CPNE3: variants seen among roughly 807,000 people sequenced by gnomAD.
CPNE3 encodes the protein copine 3, also known as copine-3.
In CPNE3, 68 loss-of-function variants were observed where a neutral mutation model predicts 63.9. That is an observed-to-expected ratio of 1.06 (90% CI 0.87 to 1.30). The LOEUF is 1.30. Among genes scored for constraint, CPNE3 ranks in the 50% most tolerant of loss-of-function variants. CPNE3 has a pLI of 0.00. For missense variants in CPNE3, 665 were observed against 578.1 expected (o/e 1.15, Z -1.54); for synonymous variants, 219 against 197.5 (o/e 1.11, Z -0.91).
intron 9 of CPNE3, chr8:86,545,115 A>G (rs1821019881): frequency 4.7e-6 from 1 of 215,026 alleles, no homozygotes; most frequent in Non-Finnish European, 9.1e-6. Context: ...TTAGGAATAG[A>G]AGTCCAATCC....
rs189130609 is a variant in CPNE3 at position 86,528,186 on chromosome 8, G to A, written c.-10-350G>A. Among the ~76,000 whole-genome samples the A allele has an allele frequency of 1.4e-4, 21 of 151,998 alleles. No individual in the cohort carries two copies. In the East Asian group the frequency reaches 3.7e-3, roughly 27 times the overall value. On this transcript the variant is annotated intron_variant, in intron 2 of 16. Coordinates refer to ENST00000517490, the MANE Select transcript of CPNE3 (RefSeq NM_003909.5). ...GATGGTCTCAAATTCCTAAGCTCAA[G>A]CCATCCTTCTGCCTCAGCCTCCCAA...
intron 14 of CPNE3, chr8:86,551,459 A>G: frequency 4.4e-6 from 2 of 458,564 alleles, no homozygotes; most frequent in East Asian, 6.7e-5. Flanking sequence ...CAGTATTATG[A>G]TGATGAAGGT....
In CPNE3 at chr8:86,551,113, C is replaced by G. The variant is rs1409629287; in HGVS notation, c.1068+13C>G. 2 of 1,612,998 alleles carry G rather than the reference C, an allele frequency of 1.2e-6. No individual in the cohort carries two copies. Among genetic ancestry groups the G allele is most frequent in the Non-Finnish European group, 8.5e-7 (1 of 1,179,366 alleles). ...TCCTCAGTGGCAGGTAAGAGGAAAT[C>G]TCTATTTTAAAGCTTTGCCTCCTAG... On this transcript the variant is annotated intron_variant, in intron 13 of 16. Transcript: ENST00000517490.
intron 2 of CPNE3, among the ~76,000 whole-genome samples, chr8:86,518,756 C>CT (rs1039315158): frequency 2.8e-5 from 4 of 142,372 alleles, no homozygotes; most frequent in Admixed American, 6.8e-5. Context: ...GATAGCCCTT[C>CT]TTTTTTAAAA....
intron 2 of CPNE3, among the ~76,000 whole-genome samples, chr8:86,522,775 A>AT (rs1001058674): frequency 6.6e-6 from 1 of 151,904 alleles, no homozygotes; most frequent in African/African-American, 2.4e-5. Context: ...ACTTCTGAGA[A>AT]TTTTTTACAT....
chr8:86,547,358 T>A (rs2131483531), intron 10 of CPNE3: 1 of 185,254 alleles, frequency 5.4e-6, no homozygotes, highest in Middle Eastern at 2.3e-3. Context: ...CAAGATTTTT[T>A]AGGGTGAACA....
chr8:86,547,582 C>T, intron 10 of CPNE3, 129 bp from the exon 11 acceptor site: 1 of 624,306 alleles, frequency 1.6e-6, no homozygotes. Context: ...AACCTGAATG[C>T]AGGGGTAATT....
At chr8:86,533,255 T>C (rs1432978156) in intron 6 of CPNE3, among the ~76,000 whole-genome samples, 1 of 152,112 alleles carries the variant, frequency 6.6e-6, no homozygotes, top group Non-Finnish European at 1.5e-5. Context: ...TTTGAAAACA[T>C]TTTAGGGCTA....
At chr8:86,554,702 C>G (rs949910637) in intron 14 of CPNE3, 149 bp from the exon 15 acceptor site, 4 of 862,660 alleles carry the variant, frequency 4.6e-6, no homozygotes, top group Non-Finnish European at 6.9e-6. Context: ...TTATGTAATA[C>G]ATAGCTTAGA....
Position 86,532,870 on chromosome 8 carries a change from G to A in CPNE3, c.459+290G>A, listed in dbSNP as rs79109641. 6.8e-3 allele frequency among the ~76,000 whole-genome samples: 1,037 copies of A among 152,052 alleles called. 8 individuals are homozygous for A. Among genetic ancestry groups the A allele is most frequent in the Non-Finnish European group, 0.012 (791 of 67,980 alleles). ...AAAGAATACAGTTGAATTATCTTTA[G>A]GAAAAAAGTGAAAACTCTGTGCTTT... On this transcript the variant is annotated intron_variant, in intron 6 of 16. Coordinates refer to ENST00000517490, the MANE Select transcript of CPNE3 (RefSeq NM_003909.5).
intron 8 of CPNE3, among the ~76,000 whole-genome samples, chr8:86,542,551 G>A (rs1050811538): frequency 4.6e-5 from 7 of 151,358 alleles, no homozygotes; most frequent in African/African-American, 1.7e-4. Flanking sequence ...ATATATGCAT[G>A]TGTATATGTA....
chr8:86,550,397 G>A (rs1821148019), intron 12 of CPNE3, among the ~76,000 whole-genome samples: 1 of 152,102 alleles, frequency 6.6e-6, no homozygotes, highest in Non-Finnish European at 1.5e-5. Flanking sequence ...ACATGGCATA[G>A]GCTCTATCTT....
At chr8:86,533,546 C>T (rs1191407867) in intron 6 of CPNE3, among the ~76,000 whole-genome samples, 1 of 149,918 alleles carries the variant, frequency 6.7e-6, no homozygotes, top group Non-Finnish European at 1.5e-5. Flanking sequence ...AAAACAACAA[C>T]AAAAAAACAC....
intron 4 of CPNE3, among the ~76,000 whole-genome samples, chr8:86,530,912 A>T (rs1273027284): frequency 6.6e-6 from 1 of 151,326 alleles, no homozygotes; most frequent in Non-Finnish European, 1.5e-5. Flanking sequence ...GGCTGGTCTT[A>T]AACTCCTGAC....
intron 14 of CPNE3, chr8:86,551,507 G>A (rs1262212950): frequency 1.3e-5 from 4 of 317,666 alleles, no homozygotes; most frequent in Non-Finnish European, 2.3e-5. Context: ...ACTTTAATAG[G>A]ACAAAAACAT....
chr8:86,519,481 A>C (rs1422039891), intron 2 of CPNE3, among the ~76,000 whole-genome samples: 1 of 152,210 alleles, frequency 6.6e-6, no homozygotes, highest in Non-Finnish European at 1.5e-5. Context: ...AACTTTTTGA[A>C]GTGTGGCTAA....
intron 14 of CPNE3, among the ~76,000 whole-genome samples, chr8:86,552,405 T>G (rs1821201698): frequency 1.3e-5 from 2 of 152,214 alleles, no homozygotes; most frequent in Non-Finnish European, 2.9e-5. Context: ...AATGTTATTC[T>G]TTTTAAGAAA....
rs1436598774 is a variant in CPNE3 at position 86,558,519 on chromosome 8, T to A, written c.*109T>A. 1 of 801,036 alleles carries A rather than the reference T, an allele frequency of 1.2e-6. No homozygotes were observed. The highest frequency in any genetic ancestry group is 2.2e-6 in the Non-Finnish European group (1 of 452,068). The allele number at this position is 801,036 out of a possible 1,614,324, so 49.6% of individuals were successfully genotyped here. On this transcript the variant is annotated 3_prime_UTR_variant, in exon 17 of 17. Transcript: ENST00000517490. ...TTACCCCCAGCATTTATGATGTAAA[T>A]CTCTTTCTCTATGGATTATATCTGT...
intron 2 of CPNE3, chr8:86,521,501 A>G (rs1820433399): frequency 6.6e-6 from 1 of 152,214 alleles, no homozygotes; most frequent in African/African-American, 2.4e-5. Context: ...TATTGCTGTT[A>G]TACTAAGTAA....
Sources: gnomAD v4.1 joint callset for allele counts (sites outside exome capture counted in the v4.1 genomes callset) on GRCh38, gnomAD v4.1.1 for gene constraint, MANE v1.5 for transcripts, NCBI Gene and HGNC (gene_info 2026-07-23, HGNC 2026-07-21) for gene names.